MCM5: variants seen among roughly 807,000 people sequenced by gnomAD.
MCM5 encodes the protein DNA replication licensing factor MCM5.
A neutral mutation model predicts 79.9 loss-of-function variants in MCM5; 46 were observed. The observed-to-expected ratio is 0.58, with a 90% CI of 0.45 to 0.74. MCM5 has a LOEUF of 0.74. MCM5 is among the 30% of genes least tolerant of loss of function. The pLI is 0.00. For synonymous variants in MCM5, 404 were observed against 390.5 expected, an observed-to-expected ratio of 1.03 and a Z score of -0.41; for missense variants, 883 against 1,017.0, an observed-to-expected ratio of 0.87 and a Z score of 1.79.
At chr22:35,448,760 A>G in the MCM5 span, among the ~76,000 whole-genome samples, 1 of 152,328 alleles carries the variant, frequency 6.6e-6, no homozygotes, top group African/African-American at 2.4e-5. Context: ...AACACGCATT[A>G]TTCTCACTCT....
At chr22:35,454,157 C>G in the MCM5 span, among the ~76,000 whole-genome samples, 1 of 152,024 alleles carries the variant, frequency 6.6e-6, no homozygotes, top group African/African-American at 2.4e-5. Context: ...CCCCTTCTTT[C>G]TGCTTCCCTC....
At chr22:35,444,877 C>T in the MCM5 span, among the ~76,000 whole-genome samples, 1 of 152,162 alleles carries the variant, frequency 6.6e-6, no homozygotes, top group Admixed American at 6.5e-5. Context: ...GAGGCAGATG[C>T]AGCAAAGTTG....
At chr22:35,410,982 C>T in intron 7 of MCM5, 72 bp downstream of exon 7, 1 of 1,415,300 alleles carries the variant, frequency 7.1e-7, no homozygotes, top group South Asian at 1.4e-5. Flanking sequence ...TAACAGGCAG[C>T]TCGTTACTTC....
rs571892495 is a variant in MCM5, at chr22:35,406,546, A to G, written c.424-7A>G. ...AACCAACAAGCTTCCCGATGGCTCT[A>G]TTACAGTCGGACATGATGTCACACC... On this transcript the variant is annotated splice_region_variant and splice_polypyrimidine_tract_variant and intron_variant, in intron 4 of 16. Coordinates refer to ENST00000216122, the MANE Select transcript of MCM5 (RefSeq NM_006739.4). 51 of 1,612,028 alleles carry G rather than the reference A, an allele frequency of 3.2e-5. No homozygotes were observed. In the Middle Eastern group the frequency reaches 6.6e-4, roughly 21 times the overall value.
At chr22:35,407,685 A>G (rs1189801555) in intron 5 of MCM5, among the ~76,000 whole-genome samples, 1 of 152,208 alleles carries the variant, frequency 6.6e-6, no homozygotes, top group African/African-American at 2.4e-5. Flanking sequence ...TCCCCTTACC[A>G]GGGGCATCTT....
At chr22:35,438,102 C>T in the MCM5 span, among the ~76,000 whole-genome samples, 163 of 152,212 alleles carry the variant, frequency 1.1e-3, no homozygotes, top group Non-Finnish European at 1.7e-3. Context: ...CTTAGGAAAC[C>T]CCATCCCTAC....
Position 35,417,783 on chromosome 22 carries a change from C to G in MCM5, c.1630C>G (p.Leu544Val), listed in dbSNP as rs746895964. ...KHVITLHVSA[L>V]TQTQAVEGEI... ...TGTCATCACTCTGCACGTGAGCGCA[C>G]TGACACAGACACAGGCTGTGGAGGG... is the stretch of plus-strand genomic sequence containing the variant. The change falls in exon 13 of 17, where the codon CTG (leucine) becomes GTG (valine). Residue 544 changes from leucine to valine, a missense_variant. By Grantham distance (32) the Leu-to-Val change is conservative. Around this residue, in one of 3 missense-constraint regions of MCM5, gnomAD observed 426 missense variants for 482.3 expected, o/e 0.88. Transcript: ENST00000216122. 2 of 1,614,216 alleles carry G rather than the reference C, an allele frequency of 1.2e-6. No homozygotes were observed. The highest frequency in any genetic ancestry group is 1.1e-5 in the South Asian group (1 of 91,084).
intron 15 of MCM5, chr22:35,421,677 C>G (rs1932699596): frequency 3.1e-6 from 2 of 642,034 alleles, no homozygotes; most frequent in Admixed American, 2.3e-5. Flanking sequence ...CTCTCCAGAC[C>G]CTTGAACACA....
intron 13 of MCM5, among the ~76,000 whole-genome samples, chr22:35,418,742 G>T (rs1030687790): frequency 6.6e-6 from 1 of 151,686 alleles, no homozygotes; most frequent in Non-Finnish European, 1.5e-5. Context: ...TTTGTGCCAG[G>T]CATTCTGAAT....
the MCM5 span, among the ~76,000 whole-genome samples, chr22:35,447,778 T>C: frequency 6.6e-6 from 1 of 152,106 alleles, no homozygotes; most frequent in African/African-American, 2.4e-5. Context: ...GCTCATTAAC[T>C]CTTAAGGAGG....
the MCM5 span, among the ~76,000 whole-genome samples, chr22:35,435,671 C>A: frequency 6.6e-6 from 1 of 152,174 alleles, no homozygotes; most frequent in Non-Finnish European, 1.5e-5. Flanking sequence ...TGGGACACAA[C>A]CCTGGCCAGG....
At position 35,400,156 on chromosome 22, in the gene MCM5, C is replaced by G. The variant is rs777148630; in HGVS notation, c.-61C>G. The G allele has an allele frequency of 2.4e-6, 1 of 418,754 alleles. No individual in the cohort carries two copies. The highest frequency in any genetic ancestry group is 2.4e-5 in the South Asian group (1 of 41,472). 25.9% of individuals were successfully genotyped at this position (418,754 alleles called of 1,614,324 possible). On this transcript the variant is annotated 5_prime_UTR_variant, in exon 1 of 17. Transcript: ENST00000216122. Reference sequence around the variant, plus strand: ...TTGTTTTTCCCGCGAAACTCGGCGGCTGAGCGTGGAGGTTCTTGTCTCCCC... The same window carrying G: ...TTGTTTTTCCCGCGAAACTCGGCGGGTGAGCGTGGAGGTTCTTGTCTCCCC...
the MCM5 span, among the ~76,000 whole-genome samples, chr22:35,443,819 G>A: frequency 1.1e-4 from 16 of 152,236 alleles, no homozygotes; most frequent in African/African-American, 3.9e-4. Flanking sequence ...CCTCCTTCAG[G>A]ATGGTGCCCC....
At chr22:35,410,362 A>G in intron 6 of MCM5, 2 of 230,912 alleles carry the variant, frequency 8.7e-6, no homozygotes, top group South Asian at 1.1e-4. Context: ...TTGCCCTGAG[A>G]GGCTAAAGGG....
the MCM5 span, among the ~76,000 whole-genome samples, chr22:35,448,686 A>G: frequency 6.6e-6 from 1 of 152,162 alleles, no homozygotes. Context: ...AGTGCTGGGC[A>G]TTGGTCATCT....
At chr22:35,408,602 T>C (rs1932288575) in intron 6 of MCM5, 39 bp downstream of exon 6, 1 of 1,586,474 alleles carries the variant, frequency 6.3e-7, no homozygotes, top group Non-Finnish European at 8.6e-7. Flanking sequence ...TCTACGACGG[T>C]GGATGTCCCA....
chr22:35,406,489 T>C (rs1250551173), intron 4 of MCM5, 64 bp from the exon 5 acceptor site: 1 of 1,470,846 alleles, frequency 6.8e-7, no homozygotes, highest in Non-Finnish European at 9.4e-7. Flanking sequence ...GGATATTTAC[T>C]GGCATATCTC....
rs4645802 is a variant in MCM5, at chr22:35,418,516, C to T, written c.1703+660C>T. 7.7e-3 allele frequency among the ~76,000 whole-genome samples: 1,166 copies of T among 152,076 alleles called. 10 individuals carry two copies. The highest frequency in any genetic ancestry group is 0.017 in the Middle Eastern group (5 of 294). Reference sequence around the variant, plus strand: ...GTCTACTAAAAATACAAAAATTAGCCGGGTGTGGTGGTGCACACCTATAGT... The same window carrying T: ...GTCTACTAAAAATACAAAAATTAGCTGGGTGTGGTGGTGCACACCTATAGT... On this transcript the variant is annotated intron_variant, in intron 13 of 16. Transcript: ENST00000216122.
chr22:35,444,166 GGAGAGAGA>G, the MCM5 span, among the ~76,000 whole-genome samples: 4 of 148,026 alleles, frequency 2.7e-5, no homozygotes, highest in African/African-American at 7.6e-5. Flanking sequence ...CTGACAGGCA[GGAGAGAGA>G]GAGAGAGAGA....
Sources: allele counts gnomAD v4.1 joint callset (sites outside exome capture counted in the v4.1 genomes callset), GRCh38; gene constraint gnomAD v4.1.1; regional missense constraint gnomAD v4.1.1; transcripts MANE v1.5; gene names NCBI Gene and HGNC (gene_info 2026-07-23, HGNC 2026-07-21).